The following NTRK3 variants were observed in gnomAD, a reference collection of about 807,000 sequenced individuals.
NTRK3 encodes NT-3 growth factor receptor.
NTRK3 carries 24 observed loss-of-function variants against 91.7 expected under a neutral mutation model. The ratio of observed to expected loss-of-function variants is 0.26; its 90% CI spans 0.19 to 0.37. The LOEUF is 0.37. Among genes scored for constraint, NTRK3 ranks in the 10% least tolerant of loss-of-function variants. NTRK3 has a pLI of 1.00. For synonymous variants in NTRK3, 483 were observed against 404.0 expected (o/e 1.20, Z -2.34); for missense variants, 880 against 1,068.9 (o/e 0.82, Z 2.46).
intron 13 of NTRK3, among the ~76,000 whole-genome samples, chr15:88,106,907 T>G (rs1414520055): frequency 1.3e-5 from 2 of 150,728 alleles, no homozygotes; most frequent in African/African-American, 4.9e-5. Context: ...CACTCCAACC[T>G]GGGAGACAGA....
chr15:87,995,147 C>T (rs1321086915), intron 14 of NTRK3, among the ~76,000 whole-genome samples: 2 of 152,182 alleles, frequency 1.3e-5, no homozygotes, highest in Admixed American at 6.5e-5. Flanking sequence ...GAATTACACA[C>T]CTGGGAAAGC....
intron 5 of NTRK3, among the ~76,000 whole-genome samples, chr15:88,172,446 C>T (rs7166886): frequency 0.083 from 12,670 of 152,164 alleles, 1,764 homozygotes; most frequent in African/African-American, 0.29. Context: ...GGATGGAAAA[C>T]ATGAGCACAG....
intron 3 of NTRK3, among the ~76,000 whole-genome samples, chr15:88,242,904 A>G (rs2052497172): frequency 6.6e-6 from 1 of 152,194 alleles, no homozygotes; most frequent in Non-Finnish European, 1.5e-5. Flanking sequence ...GCTGTCTGTT[A>G]TGCACTTGGA....
At chr15:88,041,462 T>A (rs925445335) in intron 13 of NTRK3, among the ~76,000 whole-genome samples, 1 of 152,184 alleles carries the variant, frequency 6.6e-6, no homozygotes, top group Non-Finnish European at 1.5e-5. Flanking sequence ...AGTACCCCCA[T>A]CACTTTCTTT....
At chr15:87,883,098 T>C (rs1219338428) in intron 17 of NTRK3, among the ~76,000 whole-genome samples, 1 of 135,320 alleles carries the variant, frequency 7.4e-6, no homozygotes, top group Non-Finnish European at 1.7e-5. Context: ...CATATATGCA[T>C]ATATGTGCAT....
intron 18 of NTRK3, among the ~76,000 whole-genome samples, chr15:87,877,522 C>T (rs1186847204): frequency 6.6e-6 from 1 of 152,130 alleles, no homozygotes; most frequent in East Asian, 1.9e-4. Flanking sequence ...ATGAGCCTGC[C>T]TCACTTTGAA....
intron 3 of NTRK3, among the ~76,000 whole-genome samples, chr15:88,254,395 G>A (rs2053775946): frequency 6.6e-6 from 1 of 152,174 alleles, no homozygotes; most frequent in Admixed American, 6.5e-5. Flanking sequence ...CCCCTTGGCT[G>A]TTTATCTTGT....
intron 14 of NTRK3, among the ~76,000 whole-genome samples, chr15:87,968,885 T>C (rs1443987151): frequency 6.6e-6 from 1 of 152,310 alleles, no homozygotes; most frequent in East Asian, 1.9e-4. Context: ...ACATGAAGCA[T>C]TCATTTTATC....
chr15:87,908,604 G>T (rs1260546205), intron 17 of NTRK3: 7 of 399,438 alleles, frequency 1.8e-5, no homozygotes, highest in African/African-American at 8.2e-5. Flanking sequence ...GGGGGAGAGA[G>T]AAGAAAAGGG....
intron 13 of NTRK3, among the ~76,000 whole-genome samples, chr15:88,033,417 T>C (rs976185332): frequency 6.6e-6 from 1 of 151,414 alleles, no homozygotes; most frequent in African/African-American, 2.4e-5. Context: ...CTCAAGCGAT[T>C]CTCATGCCTC....
intron 3 of NTRK3, among the ~76,000 whole-genome samples, chr15:88,216,002 T>C (rs1441115058): frequency 6.6e-6 from 1 of 152,214 alleles, no homozygotes; most frequent in Non-Finnish European, 1.5e-5. Flanking sequence ...TGTCCCATTA[T>C]AATTGGAGAA....
chr15:88,187,720 G>A (rs1281815933), intron 3 of NTRK3, among the ~76,000 whole-genome samples: 4 of 152,154 alleles, frequency 2.6e-5, no homozygotes, highest in African/African-American at 9.6e-5. Flanking sequence ...GATCATTCAT[G>A]GTCAGGAGTT....
chr15:88,083,628 G>A (rs3784424), intron 13 of NTRK3, among the ~76,000 whole-genome samples: 1,584 of 152,246 alleles, frequency 0.01, 18 homozygotes, highest in Middle Eastern at 0.031. Flanking sequence ...AAGAAGGAGT[G>A]GGCAGTAATA....
intron 13 of NTRK3, among the ~76,000 whole-genome samples, chr15:88,035,044 G>C (rs1014887664): frequency 6.6e-6 from 1 of 152,160 alleles, no homozygotes; most frequent in African/African-American, 2.4e-5. Flanking sequence ...TGCACAAAGA[G>C]AAAGAGGAAA....
chr15:88,135,257 C>T (rs1304018392), exon 10 of NTRK3: 5 of 1,614,042 alleles, frequency 3.1e-6, no homozygotes, highest in Non-Finnish European at 4.2e-6. Context: ...TAGTATTCCA[C>T]ATGGATGATC....
rs533172114 is a variant in NTRK3 at position 88,223,264 on chromosome 15, C to T, written c.248+32642G>A. On this transcript the variant is annotated intron_variant, in intron 3 of 18. Transcript: ENST00000394480. ...GCCAGGGCAAAGCATCACACCAGGT[C>T]ACCCGGGAGGACGCAGTGGCCTGTG... Among the ~76,000 whole-genome samples, 306 of 152,338 alleles carry T rather than the reference C, an allele frequency of 2.0e-3. 3 individuals are homozygous for T. The highest frequency in any genetic ancestry group is 1.8e-4 in the Non-Finnish European group (12 of 68,034).
At chr15:87,997,144 T>C (rs1038863605) in intron 14 of NTRK3, among the ~76,000 whole-genome samples, 5 of 152,216 alleles carry the variant, frequency 3.3e-5, no homozygotes, top group African/African-American at 1.2e-4. Flanking sequence ...GAGCTCAGTC[T>C]TCCCACCTGC....
intron 3 of NTRK3, among the ~76,000 whole-genome samples, chr15:88,232,964 G>A (rs1285409158): frequency 6.6e-6 from 1 of 152,156 alleles, no homozygotes. Flanking sequence ...CACAGCAGCA[G>A]GGCTGAGGGG....
intron 13 of NTRK3, among the ~76,000 whole-genome samples, chr15:88,091,742 A>G (rs2049037167): frequency 2.0e-5 from 3 of 152,164 alleles, no homozygotes; most frequent in African/African-American, 7.2e-5. Context: ...TCTGACCCAT[A>G]TTTGTCGACC....
Sources: allele counts gnomAD v4.1 joint callset (sites outside exome capture counted in the v4.1 genomes callset), GRCh38; gene constraint gnomAD v4.1.1; transcripts MANE v1.5; gene names NCBI Gene and HGNC (gene_info 2026-07-23, HGNC 2026-07-21).